The following AGAP1 variants were observed in gnomAD, a reference collection of about 807,000 sequenced individuals.
AGAP1 encodes ArfGAP with GTPase domain, ankyrin repeat and PH domain 1.
A neutral mutation model predicts 105.3 loss-of-function variants in AGAP1; 29 were observed. That is an observed-to-expected ratio of 0.28 (90% CI 0.21 to 0.38). AGAP1 has a LOEUF of 0.38. Among genes scored for constraint, AGAP1 ranks in the 10% least tolerant of loss-of-function variants. The probability of loss-of-function intolerance (pLI) is 1.00; values close to 1 mark genes in which losing one functional copy is unlikely to be tolerated. For missense variants in AGAP1, 998 were observed against 1,165.1 expected (o/e 0.86, Z 2.09); for synonymous variants, 509 against 485.9 (o/e 1.05, Z -0.63).
rs747430795 is a variant in AGAP1 at position 236,040,909 on chromosome 2, C to A, written c.1891+68C>A. ...GGAGACCACATGGTCCCACTAGGCC[C>A]GGGTTGCAGGGGACTCACATCTGTC... On this transcript the variant is annotated intron_variant, in intron 15 of 17. Transcript: ENST00000304032. This position sits in a 1 kb window ranked among gnomAD's most constrained non-coding sequence, Gnocchi z 5.6. 3 of 1,527,240 alleles carry A rather than the reference C, an allele frequency of 2.0e-6. No homozygotes were observed. Among genetic ancestry groups the A allele is most frequent in the Non-Finnish European group, 2.7e-6 (3 of 1,104,230 alleles). 94.6% of individuals were successfully genotyped at this position (1,527,240 alleles called of 1,614,324 possible). A position where few individuals can be genotyped will look rare whatever the true frequency, so the allele number is the denominator to read the frequency against.
intron 9 of AGAP1, among the ~76,000 whole-genome samples, chr2:235,825,330 G>T (rs138370079): frequency 6.6e-6 from 1 of 152,220 alleles, no homozygotes; most frequent in Non-Finnish European, 1.5e-5. Context: ...TTGAACAGCT[G>T]CCACCATGGT....
chr2:235,949,190 T>C (rs1003647098), intron 12 of AGAP1, among the ~76,000 whole-genome samples: 1 of 152,162 alleles, frequency 6.6e-6, no homozygotes, highest in African/African-American at 2.4e-5. Flanking sequence ...TACATGCACG[T>C]TGAGTTCCCT....
At chr2:235,851,279 C>T (rs971850555) in intron 9 of AGAP1, among the ~76,000 whole-genome samples, 2 of 152,120 alleles carry the variant, frequency 1.3e-5, no homozygotes, top group African/African-American at 4.8e-5. Flanking sequence ...GCTGCTCGGT[C>T]GGAGCTGGGA....
At position 235,633,007 on chromosome 2, in the gene AGAP1, G is replaced by A. The variant is rs903607157; in HGVS notation, c.164-76172G>A. On this transcript the variant is annotated intron_variant, in intron 1 of 17. Coordinates refer to ENST00000304032, the MANE Select transcript of AGAP1 (RefSeq NM_001037131.3). The surrounding 1 kb of genome is among the most constrained non-coding windows in gnomAD (Gnocchi z 4.8). ...CGGCTTCCTTCCAAACCAGAAGCCC[G>A]TGGTGCAGCCTCTGAACCCCCGACT... is the stretch of plus-strand genomic sequence containing the variant. 2.6e-5 allele frequency among the ~76,000 whole-genome samples: 4 copies of A among 151,932 alleles called. No individual in the cohort carries two copies. Among genetic ancestry groups the A allele is most frequent in the African/African-American group, 4.8e-5 (2 of 41,360 alleles).
At chr2:235,764,553 C>T (rs1321226039) in intron 6 of AGAP1, among the ~76,000 whole-genome samples, 1 of 152,214 alleles carries the variant, frequency 6.6e-6, no homozygotes, top group Admixed American at 6.5e-5. Context: ...AGGTCACTGC[C>T]ACAACAGCTA....
At chr2:235,530,857 C>T (rs1469015927) in intron 1 of AGAP1, among the ~76,000 whole-genome samples, 1 of 152,160 alleles carries the variant, frequency 6.6e-6, no homozygotes, top group African/African-American at 2.4e-5. Flanking sequence ...AGGGTGGTGT[C>T]TGCCCACCTC....
At chr2:235,765,185 C>T (rs1462892025) in intron 6 of AGAP1, among the ~76,000 whole-genome samples, 1 of 26,024 alleles carries the variant, frequency 3.8e-5, no homozygotes, top group Non-Finnish European at 6.6e-5. Context: ...TGGGAGCGTC[C>T]GTGGGGTGGG....
At position 235,965,899 on chromosome 2, in the gene AGAP1, G is replaced by C. The variant is rs2054368628; in HGVS notation, c.1484-2563G>C. ...CAAGACACCTGAGGATGAAAGATGG[G>C]ACCAGGACAAGCTAGGAATGTTCAT... On this transcript the variant is annotated intron_variant, in intron 12 of 17. Transcript: ENST00000304032. The surrounding 1 kb of genome is among the most constrained non-coding windows in gnomAD (Gnocchi z 5.8). Among the ~76,000 whole-genome samples, 1 of 152,192 alleles carries C rather than the reference G, an allele frequency of 6.6e-6. No individual in the cohort carries two copies. The highest frequency in any genetic ancestry group is 2.4e-5 in the African/African-American group (1 of 41,440).
intron 16 of AGAP1, among the ~76,000 whole-genome samples, chr2:236,059,816 A>G (rs926058416): frequency 1.3e-5 from 2 of 152,128 alleles, no homozygotes; most frequent in Non-Finnish European, 2.9e-5. Context: ...CTATATATAA[A>G]AATTAACTCC....
At chr2:235,637,065 ATGTC>A (rs1947027759) in intron 1 of AGAP1, among the ~76,000 whole-genome samples, 1 of 152,036 alleles carries the variant, frequency 6.6e-6, no homozygotes, top group South Asian at 2.1e-4. Context: ...GAGACAATGT[ATGTC>A]TGTTTCTGAA....
At position 236,124,854 on chromosome 2, in the gene AGAP1, C is replaced by A. The variant is rs2059978991; in HGVS notation, c.*732C>A. 1.3e-5 allele frequency: 2 copies of A among 153,206 alleles called. No individual in the cohort carries two copies. The highest frequency in any genetic ancestry group is 4.1e-4 in the South Asian group (2 of 4,830). The allele number at this position is 153,206 out of a possible 1,614,324, so 9.5% of individuals were successfully genotyped here. ...AGCACCATATTATCCCAGACATGTT[C>A]TTTCAAGCCCTTGGAGCCCTCTCTA... On this transcript the variant is annotated 3_prime_UTR_variant, in exon 18 of 18. Coordinates refer to ENST00000304032, the MANE Select transcript of AGAP1 (RefSeq NM_001037131.3). The surrounding 1 kb of genome is among the most constrained non-coding windows in gnomAD (Gnocchi z 5.1).
intron 1 of AGAP1, among the ~76,000 whole-genome samples, chr2:235,564,336 T>C (rs994893044): frequency 2.0e-5 from 3 of 152,172 alleles, no homozygotes; most frequent in Non-Finnish European, 4.4e-5. Context: ...CATTATTTGC[T>C]GCAGAAATTG....
In AGAP1 at chr2:235,844,223, G is replaced by A. The variant is rs1198488182; in HGVS notation, c.1050+36892G>A. Among the ~76,000 whole-genome samples, 5 of 152,278 alleles carry A rather than the reference G, an allele frequency of 3.3e-5. No individual in the cohort carries two copies. The East Asian group carries it at 9.7e-4, about 29-fold the overall frequency. On this transcript the variant is annotated intron_variant, in intron 9 of 17. Transcript: ENST00000304032. ...TCTCCACTCCCTGTCCATCTTGAAT[G>A]TTCTAAACAACGAATTAAAATGTTT...
chr2:236,099,943 G>C (rs1487551278), intron 16 of AGAP1, among the ~76,000 whole-genome samples: 2 of 152,142 alleles, frequency 1.3e-5, no homozygotes, highest in Non-Finnish European at 2.9e-5. Context: ...AGGAGGCTAA[G>C]ACAGGAGAAT....
chr2:235,764,326 G>A (rs1047187802), intron 6 of AGAP1, among the ~76,000 whole-genome samples: 5 of 152,136 alleles, frequency 3.3e-5, no homozygotes, highest in African/African-American at 1.2e-4. Context: ...CCGATTTTCA[G>A]GGAAGAGCTG....
intron 1 of AGAP1, among the ~76,000 whole-genome samples, chr2:235,568,693 T>C (rs1409419140): frequency 2.6e-5 from 4 of 152,328 alleles, no homozygotes; most frequent in Admixed American, 2.6e-4. Context: ...ACAGCACACG[T>C]CATTCTCTTT....
intron 13 of AGAP1, among the ~76,000 whole-genome samples, chr2:235,991,206 T>G (rs1377004000): frequency 6.6e-6 from 1 of 152,244 alleles, no homozygotes; most frequent in Non-Finnish European, 1.5e-5. Context: ...GAGAAGTATT[T>G]TATGTCTCAA....
chr2:236,028,217 A>C (rs2125629364), intron 13 of AGAP1, among the ~76,000 whole-genome samples: 1 of 151,384 alleles, frequency 6.6e-6, no homozygotes, highest in East Asian at 2.0e-4. Context: ...TTTCCTCTTT[A>C]CTCTGTTGGG....
At chr2:235,644,810 T>C (rs1256830581) in intron 1 of AGAP1, among the ~76,000 whole-genome samples, 1 of 152,196 alleles carries the variant, frequency 6.6e-6, no homozygotes, top group Non-Finnish European at 1.5e-5. Context: ...AGCAATATTA[T>C]GGTGTGTCAG....
Sources: allele counts gnomAD v4.1 joint callset (sites outside exome capture counted in the v4.1 genomes callset), GRCh38; gene constraint gnomAD v4.1.1; non-coding constraint Gnocchi (gnomAD v3.1); transcripts MANE v1.5; gene names NCBI Gene and HGNC (gene_info 2026-07-23, HGNC 2026-07-21).